Variants in TTN observed in about 807,000 individuals in gnomAD.
The protein encoded by TTN is connectin.
Under a neutral mutation model 3,223.0 loss-of-function variants are expected in TTN, and 1,525 were observed. That is an observed-to-expected ratio of 0.47 (90% CI 0.45 to 0.49). The LOEUF (loss-of-function observed/expected upper bound fraction) is 0.49. Ranked by LOEUF, TTN falls within the 20% of genes least tolerant of loss-of-function variation. The pLI is 0.00. For synonymous variants in TTN, 14,094 were observed against 15,161.0 expected (o/e 0.93, Z 5.17); for missense variants, 40,786 against 43,424.0 (o/e 0.94, Z 5.40).
chr2:178,587,627 T>C lies in TTN; in HGVS notation c.63682A>G (p.Met21228Val). 2 of 1,612,746 alleles carry C rather than the reference T, an allele frequency of 1.2e-6. No homozygotes were observed. Among genetic ancestry groups the C allele is most frequent in the Non-Finnish European group, 1.7e-6 (2 of 1,179,404 alleles). ...RKGQVDLVDT[M>V]AFLVIPNSTR... is the part of the protein sequence containing the mutation. ...GAATTGGGGATGACAAGGAAGGCCATAGTGTCAACCAGATCAACTTGTCCT... is the reference window on the plus strand; with the variant it reads ...GAATTGGGGATGACAAGGAAGGCCACAGTGTCAACCAGATCAACTTGTCCT... The change falls in exon 306 of 363, where the codon ATG (methionine) becomes GTG (valine). Residue 21228 changes from methionine (M) to valine (V), a missense_variant. By Grantham distance (21) the Met-to-Val change is conservative. Transcript: ENST00000589042.
At position 178,579,182 on chromosome 2, in the gene TTN, A is replaced by C. The variant is rs749944998; in HGVS notation, c.67848T>G (p.Ser22616=). 9 of 1,613,400 alleles carry C rather than the reference A, an allele frequency of 5.6e-6. No individual in the cohort carries two copies. The highest frequency in any genetic ancestry group is 2.2e-5 in the South Asian group (2 of 91,082). Residue 22616 remains serine (S), a synonymous_variant, in exon 320 of 363, where the codon TCT becomes TCG. Transcript: ENST00000589042. The part of the protein sequence containing the change: ...TTLIVYDCQK[S]DAGKYTITLK... ...GTGTGATTGTGTATTTTCCAGCATC[A>C]GATTTTTGGCAATCGTACACTATAA...
At chr2:178,715,351 TAGAG>T (rs754793630) in intron 89 of TTN, 87 bp from the exon 90 acceptor site, 108 of 1,509,550 alleles carry the variant, frequency 7.2e-5, no homozygotes, top group Non-Finnish European at 9.1e-5. Context: ...ATCAGAGAGA[TAGAG>T]AGTGAAAAAA....
intron 263 of TTN, 169 bp from the exon 264 acceptor site, chr2:178,613,445 A>G: frequency 3.0e-6 from 2 of 658,708 alleles, no homozygotes; most frequent in South Asian, 4.4e-5. Context: ...ACTGCCACAC[A>G]CTTTAGACTG....
At position 178,532,848 on chromosome 2, in the gene TTN, C is replaced by G; in HGVS notation, c.103767G>C (p.Gln34589His). 6.2e-7 allele frequency: 1 copy of G among 1,613,982 alleles called. No homozygotes were observed. Among genetic ancestry groups the G allele is most frequent in the Non-Finnish European group, 8.5e-7 (1 of 1,179,874 alleles). The change falls in exon 358 of 363, where the codon CAG becomes CAC. Residue 34589 changes from glutamine to histidine, a missense_variant. Physicochemically the swap from Gln to His is conservative, Grantham distance 24. Transcript: ENST00000589042. ...AAAGGCGGATGCGCTTGGGTCGTTT[C>G]TGTACAACTCTGTCAAGTTTCCCAG... is the stretch of plus-strand genomic sequence containing the variant. ...EMPGKLDRVV[Q>H]KRPKRIRLSR...
rs1553639384 is a variant in TTN at position 178,588,693 on chromosome 2, A to T, written c.63032T>A (p.Val21011Asp). The T allele has an allele frequency of 1.2e-6, 2 of 1,613,250 alleles. No homozygotes were observed. Among genetic ancestry groups the T allele is most frequent in the Non-Finnish European group, 1.7e-6 (2 of 1,179,492 alleles). The change falls in exon 304 of 363, where the codon GTC (valine) becomes GAC (aspartate). Residue 21011 changes from valine (V) to aspartate (D), a missense_variant. By Grantham distance (152) the Val-to-Asp change is radical. Coordinates refer to ENST00000589042, the MANE Select transcript of TTN (RefSeq NM_001267550.2). Reference sequence around the variant, plus strand: ...AGGGATTGCACTCTTGTTGACAGGGACCCATCGTGTTGAATGCTTTTCCTT... The same window carrying T: ...AGGGATTGCACTCTTGTTGACAGGGTCCCATCGTGTTGAATGCTTTTCCTT... ...EKKEKHSTRW[V>D]PVNKSAIPER...
rs2054176368 is a variant in TTN, at chr2:178,604,087, G to C, written c.54600C>G (p.Gly18200=). 6.2e-7 allele frequency: 1 copy of C among 1,612,810 alleles called. No individual in the cohort carries two copies. Among genetic ancestry groups the C allele is most frequent in the Non-Finnish European group, 8.5e-7 (1 of 1,179,154 alleles). Residue 18200 remains glycine, a synonymous_variant, in exon 282 of 363, where the codon GGC becomes GGG. Coordinates refer to ENST00000589042, the MANE Select transcript of TTN (RefSeq NM_001267550.2). ...CCTCTTCTCTTTTCTCCAGCCAGTA[G>C]CCAGTAATTGGAGAGCCACCATTGT... The part of the protein sequence containing the change: ...PLDNGGSPIT[G]YWLEKREEGS...
Position 178,604,148 on chromosome 2 carries a change from T to C in TTN, c.54539A>G (p.Lys18180Arg), listed in dbSNP as rs1283224972. Residue 18180 changes from lysine (K) to arginine (R), a missense_variant, in exon 282 of 363, where the codon AAA becomes AGA. Coordinates refer to ENST00000589042, the MANE Select transcript of TTN (RefSeq NM_001267550.2). ...AGTCCAGCTCACTAGCATTGATCCTTTGGTGCGTGCCAAAACTTTTGGTTT... is the reference window on the plus strand; with the variant it reads ...AGTCCAGCTCACTAGCATTGATCCTCTGGTGCGTGCCAAAACTTTTGGTTT... ...PGKPKVLART[K>R]GSMLVSWTPP... 2 of 1,612,356 alleles carry C rather than the reference T, an allele frequency of 1.2e-6. No individual in the cohort carries two copies.
At chr2:178,664,788 T>G (rs567600529) in intron 166 of TTN, 51 bp from the exon 167 acceptor site, 1 of 1,610,226 alleles carries the variant, frequency 6.2e-7, no homozygotes, top group African/African-American at 1.3e-5. Flanking sequence ...TAACTAGGAA[T>G]AGCAAAAATA....
rs1384922524 is a variant in TTN at position 178,664,487 on chromosome 2, G to A, written c.36253C>T (p.Gln12085Ter). The change falls in exon 168 of 363, where the codon CAA becomes TAA. Residue 12085 changes from glutamine (Q) to a stop codon, truncating the protein, a stop_gained. Transcript: ENST00000589042. LOFTEE classifies it high-confidence loss of function. ...VVPEKKVHPP[Q>*]RAEVVPVKVH... ...TTGACAGGTACAACTTCAGCCCTTT[G>A]GGGAGGATGCACTTTCTTTTCCGGG... 16 of 1,612,144 alleles carry A rather than the reference G, an allele frequency of 9.9e-6. No individual in the cohort carries two copies. The highest frequency in any genetic ancestry group is 4.0e-5 in the African/African-American group (3 of 74,900).
chr2:178,790,311 G>A (rs2093419644), intron 11 of TTN, among the ~76,000 whole-genome samples, 196 bp from the exon 12 acceptor site: 1 of 150,480 alleles, frequency 6.6e-6, no homozygotes, highest in Non-Finnish European at 1.5e-5. Context: ...AATAAGTCCA[G>A]TTTAAAAGAA....
At chr2:178,685,352 G>T in intron 128 of TTN, 22 bp from the exon 129 acceptor site, 1 of 1,537,600 alleles carries the variant, frequency 6.5e-7, no homozygotes. Flanking sequence ...TATAAAATAT[G>T]TTTGTAGAAA....
intron 3 of TTN, among the ~76,000 whole-genome samples, chr2:178,801,912 G>A (rs2094085154): frequency 6.6e-6 from 1 of 152,172 alleles, no homozygotes. Context: ...TGTTTAATAT[G>A]TGTATTGAGA....
chr2:178,598,387 A>T, intron 292 of TTN, 119 bp downstream of exon 292: 1 of 1,224,106 alleles, frequency 8.2e-7, no homozygotes. Context: ...AGTTAAAATT[A>T]TGCTATTTTC....
In TTN at chr2:178,564,763, A is replaced by G. The variant is rs1421636845; in HGVS notation, c.81369T>C (p.Asn27123=). Residue 27123 remains asparagine, a synonymous_variant, in exon 326 of 363, where the codon AAT becomes AAC. Transcript: ENST00000589042. ...EKNSILWVKL[N]KTPIQDTKFK... is the part of the protein sequence containing the mutation. ...ATTTGGTGTCCTGAATGGGGGTCTT[A>G]TTTAACTTGACCCATAAAATACTGT... 1 of 1,612,146 alleles carries G rather than the reference A, an allele frequency of 6.2e-7. No individual in the cohort carries two copies. The highest frequency in any genetic ancestry group is 8.5e-7 in the Non-Finnish European group (1 of 1,179,046).
intron 47 of TTN, chr2:178,747,825 A>T: frequency 6.2e-7 from 1 of 1,612,736 alleles, no homozygotes; most frequent in Non-Finnish European, 8.5e-7. Flanking sequence ...TCTTCATAAC[A>T]TTTTTCTTCT....
chr2:178,678,826 A>G lies in TTN; in HGVS notation c.33747T>C (p.Pro11249=). The part of the protein sequence containing the change: ...KKEKPPPAKV[P]EVPKKPVPEE... ...CTGGCACAGGTTTCTTGGGCACTTC[A>G]GGAACTTCAAAGATATCAAATAGAG... The change falls in exon 143 of 363, where the codon CCT becomes CCC. Residue 11249 remains proline (P), a synonymous_variant. Coordinates refer to ENST00000589042, the MANE Select transcript of TTN (RefSeq NM_001267550.2). The G allele has an allele frequency of 1.0e-5, 16 of 1,588,532 alleles. No homozygotes were observed. The highest frequency in any genetic ancestry group is 1.4e-5 in the Non-Finnish European group (16 of 1,171,794).
chr2:178,647,512 A>C (rs2062210400), intron 213 of TTN, 48 bp from the exon 214 acceptor site: 1 of 1,522,146 alleles, frequency 6.6e-7, no homozygotes, highest in South Asian at 1.2e-5. Flanking sequence ...GAAGACATGC[A>C]AGATTGTCTA....
At position 178,609,726 on chromosome 2, in the gene TTN, G is replaced by A. The variant is rs761840475; in HGVS notation, c.51697C>T (p.Pro17233Ser). Residue 17233 changes from proline to serine, a missense_variant, in exon 272 of 363, where the codon CCT (proline) becomes TCT (serine). Pro to Ser is a moderately conservative substitution (Grantham distance 74). Coordinates refer to ENST00000589042, the MANE Select transcript of TTN (RefSeq NM_001267550.2). Reference sequence around the variant, plus strand: ...TTGGTTGGAGGAGTAGCCCGAGAAGGTTCACTAATACCCGCGGCGTTCTCT... The same window carrying A: ...TTGGTTGGAGGAGTAGCCCGAGAAGATTCACTAATACCCGCGGCGTTCTCT... ...RAENAAGISE[P>S]SRATPPTKAV... 1.9e-6 allele frequency: 3 copies of A among 1,609,686 alleles called. No homozygotes were observed. The highest frequency in any genetic ancestry group is 4.5e-5 in the East Asian group (2 of 44,720).
intron 155 of TTN, among the ~76,000 whole-genome samples, chr2:178,671,427 A>G (rs2066951922): frequency 6.6e-6 from 1 of 151,788 alleles, no homozygotes; most frequent in Non-Finnish European, 1.5e-5. Context: ...CTAGAGTGGT[A>G]TTGCAGATAA....
Sources: allele counts gnomAD v4.1 joint callset (sites outside exome capture counted in the v4.1 genomes callset), GRCh38; gene constraint gnomAD v4.1.1; transcripts MANE v1.5; gene names NCBI Gene and HGNC (gene_info 2026-07-23, HGNC 2026-07-21).